PPP2R3C: variants seen among roughly 807,000 people sequenced by gnomAD.
PPP2R3C encodes the protein protein phosphatase 2 regulatory subunit B''gamma, also known as serine/threonine-protein phosphatase 2A regulatory subunit B'' subunit gamma.
A neutral mutation model predicts 63.7 loss-of-function variants in PPP2R3C; 47 were observed. That is an observed-to-expected ratio of 0.74 (90% CI 0.58 to 0.94). The LOEUF is 0.94. Among genes scored for constraint, PPP2R3C ranks in the 40% least tolerant of loss-of-function variants. The pLI, the probability that PPP2R3C is intolerant of heterozygous loss-of-function variation, is 0.00. For missense variants in PPP2R3C, 421 were observed against 518.4 expected (o/e 0.81, Z 1.82); for synonymous variants, 180 against 177.4 (o/e 1.01, Z -0.12).
At chr14:35,096,027 T>G (rs1277340233) in intron 9 of PPP2R3C, among the ~76,000 whole-genome samples, 1 of 151,962 alleles carries the variant, frequency 6.6e-6, no homozygotes, top group Non-Finnish European at 1.5e-5. Context: ...TCTGTTCTAT[T>G]GAAAAGGAAG....
intron 6 of PPP2R3C, among the ~76,000 whole-genome samples, chr14:35,105,664 C>T (rs996937339): frequency 4.6e-5 from 7 of 152,020 alleles, no homozygotes; most frequent in African/African-American, 1.2e-4. Flanking sequence ...TCAACACCAC[C>T]GAGGTCTATG....
chr14:35,110,726 G>A (rs772184737), intron 2 of PPP2R3C, 97 bp from the exon 3 acceptor site: 58 of 714,852 alleles, frequency 8.1e-5, no homozygotes, highest in Middle Eastern at 2.5e-4. Flanking sequence ...CCACCGCCTC[G>A]AATTATTTCT....
At chr14:35,090,795 A>G (rs1244105938) in intron 11 of PPP2R3C, among the ~76,000 whole-genome samples, 1 of 145,888 alleles carries the variant, frequency 6.9e-6, no homozygotes, top group Admixed American at 7.1e-5. Context: ...GGCTCACTGC[A>G]AACTCTGCCT....
At position 35,116,701 on chromosome 14, in the gene PPP2R3C, A is replaced by C; in HGVS notation, c.95T>G (p.Met32Arg). 1.3e-6 allele frequency: 2 copies of C among 1,593,982 alleles called. No individual in the cohort carries two copies. The highest frequency in any genetic ancestry group is 1.7e-6 in the Non-Finnish European group (2 of 1,168,170). The change falls in exon 2 of 13, where the codon ATG (methionine) becomes AGG (arginine). Residue 32 changes from methionine (M) to arginine (R), a missense_variant. Physicochemically the swap from Met to Arg is moderately conservative, Grantham distance 91. Transcript: ENST00000261475. Reference protein sequence around the residue: ...KSEQELKDEEMDLFTKYYSEW... With the variant: ...KSEQELKDEERDLFTKYYSEW... ...GGAGTAATATTTTGTAAATAAATCC[A>C]TTTCTTCATCTTTTAATTCTTGTTC...
At chr14:35,113,532 GA>G (rs1566425687) in intron 2 of PPP2R3C, among the ~76,000 whole-genome samples, 1 of 152,128 alleles carries the variant, frequency 6.6e-6, no homozygotes, top group Admixed American at 6.5e-5. Flanking sequence ...GAGCTGTTAG[GA>G]ATGAGACAGA....
At chr14:35,089,602 C>T (rs1295721993) in intron 11 of PPP2R3C, among the ~76,000 whole-genome samples, 1 of 152,104 alleles carries the variant, frequency 6.6e-6, no homozygotes, top group Non-Finnish European at 1.5e-5. Context: ...GAACCTCCTG[C>T]CTCAGCTTCC....
At chr14:35,103,754 T>C (rs558168464) in intron 6 of PPP2R3C, among the ~76,000 whole-genome samples, 1 of 152,260 alleles carries the variant, frequency 6.6e-6, no homozygotes, top group Admixed American at 6.5e-5. Context: ...CTTAGAATAA[T>C]ACCTGCCCCC....
At chr14:35,097,540 T>C (rs1360413985) in intron 7 of PPP2R3C, among the ~76,000 whole-genome samples, 1 of 150,712 alleles carries the variant, frequency 6.6e-6, no homozygotes, top group East Asian at 2.0e-4. Flanking sequence ...TGGAGTGCAA[T>C]GGTGTGATTT....
rs202009883 is a variant in PPP2R3C, at chr14:35,096,690, G to A, written c.762+19C>T. The A allele has an allele frequency of 2.3e-5, 37 of 1,606,292 alleles. No individual in the cohort carries two copies. The highest frequency in any genetic ancestry group is 3.0e-5 in the Non-Finnish European group (35 of 1,177,040). Reference sequence around the variant, plus strand: ...AGCAACTGTCAAGTGATACAATTAAGTAGTTTAAAAACATTTACCTCCAAT... The same window carrying A: ...AGCAACTGTCAAGTGATACAATTAAATAGTTTAAAAACATTTACCTCCAAT... On this transcript the variant is annotated intron_variant, in intron 8 of 12. Coordinates refer to ENST00000261475, the MANE Select transcript of PPP2R3C (RefSeq NM_017917.4).
At chr14:35,112,676 T>C (rs2046599483) in intron 2 of PPP2R3C, among the ~76,000 whole-genome samples, 1 of 152,132 alleles carries the variant, frequency 6.6e-6, no homozygotes, top group Admixed American at 6.6e-5. Context: ...TGATGGGAAG[T>C]GGGGGTCAAA....
rs1303189845 is a variant in PPP2R3C at position 35,110,294 on chromosome 14, G to A, written c.291+231C>T. 3 of 469,686 alleles carry A rather than the reference G, an allele frequency of 6.4e-6. No individual in the cohort carries two copies. The South Asian group carries it at 9.3e-5, about 14-fold the overall frequency. 29.1% of individuals were successfully genotyped at this position (469,686 alleles called of 1,614,324 possible). A position where few individuals can be genotyped will look rare whatever the true frequency, so the allele number is the denominator to read the frequency against. The stretch of plus-strand genomic sequence containing the variant: ...ACAGCAGTGGTTCTCAACCTTGGCT[G>A]CACATTAGAATCACCTAGGGCCTTA... On this transcript the variant is annotated intron_variant, in intron 3 of 12. Transcript: ENST00000261475.
intron 6 of PPP2R3C, among the ~76,000 whole-genome samples, chr14:35,105,799 A>G (rs936759684): frequency 2.6e-5 from 4 of 151,786 alleles, no homozygotes; most frequent in African/African-American, 9.7e-5. Context: ...CTATGTCTCT[A>G]TGTGAATATG....
chr14:35,094,174 T>A (rs1016834386), intron 10 of PPP2R3C, among the ~76,000 whole-genome samples: 7 of 152,020 alleles, frequency 4.6e-5, no homozygotes, highest in Admixed American at 3.3e-4. Flanking sequence ...AATTTACTAA[T>A]GTTTCAGCTT....
chr14:35,094,912 C>T lies in PPP2R3C; in HGVS notation c.975+136G>A, dbSNP rs2045945401. The stretch of plus-strand genomic sequence containing the variant: ...GAGGTTGCATTGAGCGGAGATCACA[C>T]CACTGCACTCTAGCCTAGGCGACAG... On this transcript the variant is annotated intron_variant, in intron 10 of 12. Transcript: ENST00000261475. 10 of 897,656 alleles carry T rather than the reference C, an allele frequency of 1.1e-5. No homozygotes were observed. In the South Asian group the frequency reaches 1.6e-4, roughly 15 times the overall value. The allele number at this position is 897,656 out of a possible 1,614,324, so 55.6% of individuals were successfully genotyped here.
At chr14:35,091,989 G>A (rs1426931048) in intron 10 of PPP2R3C, among the ~76,000 whole-genome samples, 1 of 152,158 alleles carries the variant, frequency 6.6e-6, no homozygotes, top group Non-Finnish European at 1.5e-5. Context: ...CAAAGTGCTG[G>A]GATTATAGGC....
At chr14:35,116,005 A>G (rs1275589408) in intron 2 of PPP2R3C, among the ~76,000 whole-genome samples, 4 of 152,156 alleles carry the variant, frequency 2.6e-5, no homozygotes, top group Non-Finnish European at 4.4e-5. Flanking sequence ...AACAAAGTGT[A>G]TACCTGATAA....
intron 11 of PPP2R3C, among the ~76,000 whole-genome samples, chr14:35,089,051 G>C (rs541742707): frequency 6.6e-6 from 1 of 152,154 alleles, no homozygotes; most frequent in Non-Finnish European, 1.5e-5. Context: ...TGATGGGTTG[G>C]TATTTATTTT....
chr14:35,089,867 A>T (rs76007962), intron 11 of PPP2R3C, among the ~76,000 whole-genome samples: 24 of 151,518 alleles, frequency 1.6e-4, no homozygotes, highest in African/African-American at 5.1e-4. Flanking sequence ...GGGTTTCACC[A>T]TGTTAGTGAG....
intron 6 of PPP2R3C, 38 bp downstream of exon 6, chr14:35,107,266 A>T: frequency 6.8e-7 from 1 of 1,463,806 alleles, no homozygotes; most frequent in Non-Finnish European, 9.6e-7. Context: ...TTTAGTGTCT[A>T]TAAGAGTTAA....
Sources: allele counts gnomAD v4.1 joint callset (sites outside exome capture counted in the v4.1 genomes callset), GRCh38; gene constraint gnomAD v4.1.1; transcripts MANE v1.5; gene names NCBI Gene and HGNC (gene_info 2026-07-23, HGNC 2026-07-21).